The following CTNNA2 variants were observed in gnomAD, a reference collection of about 807,000 sequenced individuals.
The protein encoded by CTNNA2 is catenin alpha 2, also known as catenin alpha-2.
Under a neutral mutation model 101.0 loss-of-function variants are expected in CTNNA2, and 42 were observed. That is an observed-to-expected ratio of 0.42 (90% CI 0.32 to 0.54). The LOEUF is 0.54. CTNNA2 is among the 20% of genes least tolerant of loss of function. The pLI is 0.14. For synonymous variants in CTNNA2, 450 were observed against 456.4 expected, an observed-to-expected ratio of 0.99 and a Z score of 0.18; for missense variants, 871 against 1,223.1, an observed-to-expected ratio of 0.71 and a Z score of 4.29.
At chr2:79,261,382 G>A (rs1674919437) in intron 2 of CTNNA2, among the ~76,000 whole-genome samples, 1 of 152,222 alleles carries the variant, frequency 6.6e-6, no homozygotes, top group African/African-American at 2.4e-5. Context: ...AGTGAGGGTA[G>A]TAATAGCTGG....
intron 7 of CTNNA2, among the ~76,000 whole-genome samples, chr2:80,041,685 A>AT (rs1263739982): frequency 6.6e-6 from 1 of 152,210 alleles, no homozygotes; most frequent in Non-Finnish European, 1.5e-5. Context: ...GTATGTATTT[A>AT]TAGAATGGAT....
chr2:80,574,145 T>C lies in CTNNA2; in HGVS notation c.1742-18T>C. The C allele has an allele frequency of 1.2e-6, 2 of 1,605,254 alleles. No individual in the cohort carries two copies. Among genetic ancestry groups the C allele is most frequent in the Non-Finnish European group, 1.7e-6 (2 of 1,174,164 alleles). On this transcript the variant is annotated intron_variant, in intron 12 of 18. Transcript: ENST00000402739. ...AGAGAGAAATTGCCTAATCCTCTGCTTTTTATTTTTAACCCAGTGATGCCA... is the reference window on the plus strand; with the variant it reads ...AGAGAGAAATTGCCTAATCCTCTGCCTTTTATTTTTAACCCAGTGATGCCA...
At chr2:79,711,788 G>T (rs1331790182) in intron 2 of CTNNA2, among the ~76,000 whole-genome samples, 1 of 152,060 alleles carries the variant, frequency 6.6e-6, no homozygotes, top group Non-Finnish European at 1.5e-5. Context: ...CGGCTGTTGT[G>T]GGGAGCAGCT....
intron 2 of CTNNA2, among the ~76,000 whole-genome samples, chr2:79,225,465 T>C (rs957524333): frequency 2.0e-5 from 3 of 152,184 alleles, no homozygotes; most frequent in Non-Finnish European, 4.4e-5. Context: ...TACTCTCATC[T>C]GTAGAATTAC....
chr2:79,277,466 A>G (rs1375257859), intron 2 of CTNNA2, among the ~76,000 whole-genome samples: 1 of 152,026 alleles, frequency 6.6e-6, no homozygotes, highest in Non-Finnish European at 1.5e-5. Flanking sequence ...CCTGGGGGCA[A>G]GACAGCAGTC....
intron 7 of CTNNA2, among the ~76,000 whole-genome samples, chr2:79,991,009 G>A (rs955185476): frequency 3.3e-5 from 5 of 152,166 alleles, no homozygotes; most frequent in Non-Finnish European, 5.9e-5. Context: ...TTGGGAGGGT[G>A]TATGTGTCCA....
At chr2:79,736,011 AGTT>A (rs900909148) in intron 2 of CTNNA2, among the ~76,000 whole-genome samples, 65 of 152,166 alleles carry the variant, frequency 4.3e-4, no homozygotes, top group Non-Finnish European at 1.5e-4. Flanking sequence ...TAAGGTGTGA[AGTT>A]GTGCTTGAGA....
At chr2:79,732,233 C>T (rs577937970) in intron 2 of CTNNA2, among the ~76,000 whole-genome samples, 53 of 152,148 alleles carry the variant, frequency 3.5e-4, no homozygotes, top group Non-Finnish European at 6.9e-4. Flanking sequence ...TTGTTTTCTG[C>T]TCTGAGAGAT....
chr2:79,232,885 G>A (rs960289219), intron 2 of CTNNA2, among the ~76,000 whole-genome samples: 15 of 152,048 alleles, frequency 9.9e-5, no homozygotes, highest in Non-Finnish European at 1.8e-4. Context: ...TGGTTGTAAT[G>A]TTGTCTTTGT....
intron 7 of CTNNA2, chr2:80,313,442 A>G (rs1307259258): frequency 3.6e-5 from 53 of 1,491,364 alleles, no homozygotes; most frequent in Non-Finnish European, 4.3e-5. Context: ...AGTGGAGATG[A>G]TGAGTAACAA....
intron 2 of CTNNA2, among the ~76,000 whole-genome samples, chr2:79,307,627 A>G (rs1056335025): frequency 6.6e-6 from 1 of 152,144 alleles, no homozygotes; most frequent in Non-Finnish European, 1.5e-5. Flanking sequence ...CTGTTGTTGG[A>G]CACCTAGGTT....
At chr2:79,322,840 C>A (rs1053860621) in intron 3 of CTNNA2, among the ~76,000 whole-genome samples, 1 of 152,110 alleles carries the variant, frequency 6.6e-6, no homozygotes, top group African/African-American at 2.4e-5. Context: ...GTGTTTGTCT[C>A]CCAGTCAAAC....
In CTNNA2 at chr2:80,232,382, T is replaced by G. The variant is rs1280718022; in HGVS notation, c.1057-160829T>G. Among the ~76,000 whole-genome samples, 230 of 85,958 alleles carry G rather than the reference T, an allele frequency of 2.7e-3. 3 individuals are homozygous for G. The highest frequency in any genetic ancestry group is 7.7e-3 in the African/African-American group (224 of 29,172). 56.4% of individuals were successfully genotyped at this position (85,958 alleles called of 152,430 possible). ...TTTTTTTTTTTTTTTTTTTTTTTTT[T>G]TTTTTTGTTAACACTAGTTTTGGCA... is the stretch of plus-strand genomic sequence containing the variant. On this transcript the variant is annotated intron_variant, in intron 7 of 18. Coordinates refer to ENST00000402739, the MANE Select transcript of CTNNA2 (RefSeq NM_001282597.3).
chr2:79,187,363 A>G (rs1408374881), intron 1 of CTNNA2, among the ~76,000 whole-genome samples: 4 of 145,240 alleles, frequency 2.8e-5, no homozygotes, highest in African/African-American at 1.0e-4. Context: ...TCTGCCTCCC[A>G]GGTTCAAGCA....
At chr2:80,031,102 G>T (rs1377370722) in intron 7 of CTNNA2, among the ~76,000 whole-genome samples, 1 of 151,906 alleles carries the variant, frequency 6.6e-6, no homozygotes, top group Non-Finnish European at 1.5e-5. Context: ...CCCATTTCCA[G>T]GCATAAATCC....
chr2:79,829,401 ACACACACACAC>A (rs1678705024), intron 3 of CTNNA2, among the ~76,000 whole-genome samples: 1 of 149,106 alleles, frequency 6.7e-6, no homozygotes. Flanking sequence ...ACACACACAC[ACACACACACAC>A]ACAGACACAA....
intron 7 of CTNNA2, among the ~76,000 whole-genome samples, chr2:80,340,468 T>C (rs1672125781): frequency 6.6e-6 from 1 of 152,232 alleles, no homozygotes; most frequent in Admixed American, 6.5e-5. Context: ...ACGTTCATAA[T>C]TTTCTTTAAT....
chr2:79,685,284 G>T (rs72822539), intron 2 of CTNNA2, among the ~76,000 whole-genome samples: 1 of 151,986 alleles, frequency 6.6e-6, no homozygotes, highest in Non-Finnish European at 1.5e-5. Flanking sequence ...AATATGAATC[G>T]TGCCTGGCTT....
At chr2:79,738,063 C>T (rs375410967) in intron 2 of CTNNA2, among the ~76,000 whole-genome samples, 4 of 152,294 alleles carry the variant, frequency 2.6e-5, no homozygotes, top group South Asian at 2.1e-4. Flanking sequence ...ACTGCACTAC[C>T]GCCATTGTGC....
Sources: allele counts gnomAD v4.1 joint callset (sites outside exome capture counted in the v4.1 genomes callset), GRCh38; gene constraint gnomAD v4.1.1; transcripts MANE v1.5; gene names NCBI Gene and HGNC (gene_info 2026-07-23, HGNC 2026-07-21).